Variants in DACH2 observed in about 807,000 individuals in gnomAD.
DACH2 encodes the protein dachshund homolog 2.
In DACH2, 17 loss-of-function variants were observed where a neutral mutation model predicts 35.8. The observed-to-expected ratio is 0.48, with a 90% confidence interval of 0.33 to 0.71. The LOEUF (loss-of-function observed/expected upper bound fraction) is 0.71, where lower values mean the gene tolerates loss of function less well. DACH2 is among the 30% of genes least tolerant of loss of function. DACH2 has a pLI of 0.02. For synonymous variants in DACH2, 195 were observed against 177.3 expected (o/e 1.10, Z -0.79); for missense variants, 469 against 472.7 (o/e 0.99, Z 0.07).
At chrX:86,517,932 C>T (rs1219827419) in intron 3 of DACH2, among the ~76,000 whole-genome samples, 5 of 111,193 alleles carry the variant, frequency 4.5e-5, no homozygotes, top group South Asian at 7.5e-4. Context: ...TTGCTTTTGT[C>T]GTGATTGCTT....
intron 3 of DACH2, among the ~76,000 whole-genome samples, chrX:86,530,262 G>C (rs1468791344): frequency 1.8e-5 from 2 of 111,688 alleles, no homozygotes; most frequent in Admixed American, 1.9e-4. Flanking sequence ...GGCTGAAAGG[G>C]AGAGGGAAAT....
At chrX:86,324,778 T>C (rs2035082378) in intron 1 of DACH2, among the ~76,000 whole-genome samples, 2 of 108,177 alleles carry the variant, frequency 1.8e-5, no homozygotes, top group South Asian at 4.2e-4. Context: ...GGGGTTTCAC[T>C]GTGTTAGCCA....
At chrX:86,504,992 T>C (rs1003990519) in intron 2 of DACH2, among the ~76,000 whole-genome samples, 2 of 111,680 alleles carry the variant, frequency 1.8e-5, no homozygotes, top group African/African-American at 3.3e-5. Context: ...AAAATTACAG[T>C]TGTGAAATTA....
At chrX:86,559,654 T>C (rs1490876230) in intron 3 of DACH2, among the ~76,000 whole-genome samples, 52 of 48,424 alleles carry the variant, frequency 1.1e-3, no homozygotes, top group African/African-American at 4.7e-3. Context: ...TTTAGGATAG[T>C]TAGCTCCTCT....
intron 1 of DACH2, among the ~76,000 whole-genome samples, chrX:86,294,705 TG>T (rs1309308509): frequency 9.1e-6 from 1 of 110,376 alleles, no homozygotes; most frequent in Non-Finnish European, 1.9e-5. Context: ...TTGCCCCTGC[TG>T]GGGGGTGCCT....
chrX:86,578,154 T>A (rs1369890565), intron 3 of DACH2, among the ~76,000 whole-genome samples: 2 of 110,488 alleles, frequency 1.8e-5, no homozygotes, highest in Non-Finnish European at 3.8e-5. Context: ...GAGCCCTCAA[T>A]CTGTGGGATC....
intron 3 of DACH2, among the ~76,000 whole-genome samples, chrX:86,599,464 T>TC (rs1342453185): frequency 6.4e-5 from 6 of 93,887 alleles, no homozygotes; most frequent in Admixed American, 2.4e-4. Flanking sequence ...CTTCCTTCCT[T>TC]CTTTTCTTTC....
intron 3 of DACH2, among the ~76,000 whole-genome samples, chrX:86,572,409 A>G (rs1187276300): frequency 1.8e-5 from 2 of 111,811 alleles, no homozygotes; most frequent in African/African-American, 6.5e-5. Context: ...TGAGCTCACT[A>G]GATTCAGCTA....
At chrX:86,512,075 C>A (rs182614149) in intron 2 of DACH2, among the ~76,000 whole-genome samples, 2 of 111,403 alleles carry the variant, frequency 1.8e-5, no homozygotes, top group Admixed American at 1.9e-4. Context: ...TTACTTTCTG[C>A]TAGAAACCAT....
intron 3 of DACH2, among the ~76,000 whole-genome samples, chrX:86,644,295 C>T (rs2148401177): frequency 9.0e-6 from 1 of 111,292 alleles, no homozygotes; most frequent in African/African-American, 3.3e-5. Context: ...AACTGAGAGC[C>T]AAGTCAGAAA....
intron 2 of DACH2, among the ~76,000 whole-genome samples, chrX:86,406,271 C>G (rs1330650860): frequency 8.9e-6 from 1 of 112,058 alleles, no homozygotes; most frequent in African/African-American, 3.2e-5. Context: ...CATTATCCTA[C>G]ACAAACTAAG....
intron 1 of DACH2, among the ~76,000 whole-genome samples, chrX:86,177,670 A>G (rs1001871287): frequency 1.5e-4 from 17 of 111,345 alleles, no homozygotes; most frequent in Non-Finnish European, 2.8e-4. Context: ...GCAGACTCCC[A>G]TTAGATCCTA....
intron 4 of DACH2, among the ~76,000 whole-genome samples, chrX:86,678,103 A>G (rs1302261119): frequency 8.9e-6 from 1 of 111,967 alleles, no homozygotes; most frequent in African/African-American, 3.2e-5. Context: ...TCAAGGTGGT[A>G]CATGGTAAAA....
intron 1 of DACH2, among the ~76,000 whole-genome samples, chrX:86,293,648 G>C (rs1255409563): frequency 1.8e-5 from 2 of 110,376 alleles, no homozygotes; most frequent in African/African-American, 3.3e-5. Flanking sequence ...GCATTTGCTT[G>C]TCTGTAAAGT....
intron 1 of DACH2, among the ~76,000 whole-genome samples, chrX:86,348,449 T>G (rs891901494): frequency 7.2e-5 from 8 of 111,868 alleles, no homozygotes; most frequent in Admixed American, 9.5e-5. Context: ...GAACCATAAA[T>G]GTATAGTCAT....
At chrX:86,407,875 G>T (rs1318901812) in intron 2 of DACH2, among the ~76,000 whole-genome samples, 2 of 111,852 alleles carry the variant, frequency 1.8e-5, no homozygotes, top group Non-Finnish European at 3.8e-5. Flanking sequence ...AAGCTTTCTG[G>T]TATCACAACC....
At chrX:86,376,151 A>ATGTG (rs57467884) in intron 1 of DACH2, among the ~76,000 whole-genome samples, 2,788 of 95,724 alleles carry the variant, frequency 0.029, 92 homozygotes, top group African/African-American at 0.087. Context: ...GTGTGTGTGT[A>ATGTG]TGTGTGTGTG....
intron 5 of DACH2, among the ~76,000 whole-genome samples, chrX:86,710,593 T>C (rs1021718309): frequency 9.0e-6 from 1 of 111,444 alleles, no homozygotes; most frequent in African/African-American, 3.3e-5. Flanking sequence ...GGAAGGGGTA[T>C]TTATATAGGC....
At chrX:86,514,032 T>C (rs1303852889) in intron 2 of DACH2, among the ~76,000 whole-genome samples, 1 of 111,769 alleles carries the variant, frequency 8.9e-6, no homozygotes, top group African/African-American at 3.3e-5. Context: ...TGCAAAGTGC[T>C]GGCCTGTAAA....
Sources: allele counts gnomAD v4.1 joint callset (sites outside exome capture counted in the v4.1 genomes callset), GRCh38; gene constraint gnomAD v4.1.1; transcripts MANE v1.5; gene names NCBI Gene and HGNC (gene_info 2026-07-23, HGNC 2026-07-21).